CLASP1: variants seen among roughly 807,000 people sequenced by gnomAD.
The protein encoded by CLASP1 is cytoplasmic linker associated protein 1, also known as CLIP-associating protein 1.
CLASP1 carries 38 observed loss-of-function variants against 192.3 expected under a neutral mutation model. That is an observed-to-expected ratio of 0.20 (90% CI 0.15 to 0.26). CLASP1 has a LOEUF of 0.26. CLASP1 is among the 10% of genes least tolerant of loss of function. The pLI, the probability that CLASP1 is intolerant of heterozygous loss-of-function variation, is 1.00. For synonymous variants in CLASP1, 691 were observed against 712.8 expected, an observed-to-expected ratio of 0.97 and a Z score of 0.49; for missense variants, 1,433 against 1,932.5, an observed-to-expected ratio of 0.74 and a Z score of 4.85.
intron 1 of CLASP1, among the ~76,000 whole-genome samples, chr2:121,638,418 T>C (rs762725659): frequency 6.6e-6 from 1 of 152,108 alleles, no homozygotes; most frequent in Admixed American, 6.6e-5. Context: ...AGTTCAGCAA[T>C]TGTTCCAGAA....
intron 37 of CLASP1, among the ~76,000 whole-genome samples, chr2:121,354,765 C>T (rs1410216751): frequency 6.6e-6 from 1 of 152,152 alleles, no homozygotes; most frequent in Non-Finnish European, 1.5e-5. Flanking sequence ...TATCTGAGGT[C>T]CCCTGGGAGG....
At chr2:121,469,731 A>T in intron 9 of CLASP1, 77 bp downstream of exon 9, 1 of 1,443,722 alleles carries the variant, frequency 6.9e-7, no homozygotes, top group Non-Finnish European at 9.2e-7. Context: ...GAGGGCCACC[A>T]CAGGCAAGTA....
chr2:121,531,076 G>C (rs868048818), intron 2 of CLASP1: 3 of 686,530 alleles, frequency 4.4e-6, no homozygotes, highest in East Asian at 2.7e-5. Flanking sequence ...AGTACTTTGT[G>C]GTTAAACCAG....
At chr2:121,482,587 T>G (rs1433863531) in intron 8 of CLASP1, among the ~76,000 whole-genome samples, 1 of 152,176 alleles carries the variant, frequency 6.6e-6, no homozygotes, top group Non-Finnish European at 1.5e-5. Flanking sequence ...AGACTGGTAC[T>G]TTAATATCCA....
rs1030960611 is a variant in CLASP1 at position 121,549,802 on chromosome 2, G to A, written c.196-19477C>T. Among the ~76,000 whole-genome samples, 6 of 150,996 alleles carry A rather than the reference G, an allele frequency of 4.0e-5. No individual in the cohort carries two copies. The South Asian group carries it at 8.4e-4, about 21-fold the overall frequency. ...GGGCAGATCATGAGGTCAGGAGATC[G>A]AGACCATCCTGGCTAACATGGTGAA... is the stretch of plus-strand genomic sequence containing the variant. On this transcript the variant is annotated intron_variant, in intron 2 of 39. Transcript: ENST00000263710.
intron 19 of CLASP1, chr2:121,444,870 C>A: frequency 6.6e-6 from 7 of 1,063,744 alleles, no homozygotes; most frequent in Non-Finnish European, 9.2e-6. Context: ...GGGTACTGGG[C>A]AACACTCGGT....
At chr2:121,531,381 G>T (rs756326899) in intron 2 of CLASP1, among the ~76,000 whole-genome samples, 1 of 148,588 alleles carries the variant, frequency 6.7e-6, no homozygotes, top group Non-Finnish European at 1.5e-5. Context: ...GGATCACGAG[G>T]TCAGGAGATC....
At chr2:121,483,524 G>A (rs574739297) in intron 8 of CLASP1, among the ~76,000 whole-genome samples, 156 of 151,440 alleles carry the variant, frequency 1.0e-3, no homozygotes, top group Non-Finnish European at 1.7e-3. Context: ...ATATATGTGT[G>A]TGTATATATA....
At chr2:121,348,102 T>C (rs941306863) in intron 38 of CLASP1, among the ~76,000 whole-genome samples, 2 of 151,964 alleles carry the variant, frequency 1.3e-5, no homozygotes, top group African/African-American at 4.8e-5. Flanking sequence ...TCACTTACTG[T>C]CTCATGCTTA....
intron 8 of CLASP1, among the ~76,000 whole-genome samples, chr2:121,499,176 C>T (rs1051293985): frequency 3.9e-5 from 6 of 152,156 alleles, no homozygotes; most frequent in Non-Finnish European, 2.9e-5. Flanking sequence ...CAACCCCAAA[C>T]GTCCATCAAC....
chr2:121,605,726 G>A (rs373752835), exon 2 of CLASP1: 17 of 1,613,888 alleles, frequency 1.1e-5, no homozygotes, highest in Non-Finnish European at 1.2e-5. Context: ...GTTCACCCAA[G>A]AGGTAGCAAG....
intron 23 of CLASP1, among the ~76,000 whole-genome samples, chr2:121,414,810 G>C (rs1019389628): frequency 6.6e-6 from 1 of 152,110 alleles, no homozygotes; most frequent in Non-Finnish European, 1.5e-5. Context: ...TTGAGACAAG[G>C]TCTCACTCTG....
At chr2:121,520,817 C>T (rs867916661) in intron 6 of CLASP1, among the ~76,000 whole-genome samples, 4 of 152,234 alleles carry the variant, frequency 2.6e-5, no homozygotes, top group African/African-American at 7.2e-5. Context: ...TCCTCATCAA[C>T]AAGCACAGAC....
intron 9 of CLASP1, among the ~76,000 whole-genome samples, chr2:121,463,945 T>C (rs191934356): frequency 0.039 from 5,837 of 151,228 alleles, 153 homozygotes; most frequent in East Asian, 0.13. Context: ...GCTGCACCCA[T>C]TAACTCGTCA....
chr2:121,628,304 C>T (rs2068765801), intron 1 of CLASP1, among the ~76,000 whole-genome samples: 1 of 152,104 alleles, frequency 6.6e-6, no homozygotes, highest in Admixed American at 6.6e-5. Flanking sequence ...TCCTATTCAA[C>T]ATTAACATGG....
chr2:121,647,094 G>A (rs978321632), intron 1 of CLASP1, among the ~76,000 whole-genome samples: 3 of 150,702 alleles, frequency 2.0e-5, no homozygotes, highest in Admixed American at 6.6e-5. Context: ...TGGGCCGAGC[G>A]CGATTGCTCA....
intron 8 of CLASP1, among the ~76,000 whole-genome samples, chr2:121,483,690 C>A (rs7355460): frequency 6.6e-6 from 1 of 151,704 alleles, no homozygotes. Flanking sequence ...AATTCCAGTC[C>A]TACAATTTGA....
chr2:121,497,123 C>T (rs181610548), intron 8 of CLASP1, among the ~76,000 whole-genome samples: 1 of 152,156 alleles, frequency 6.6e-6, no homozygotes, highest in Non-Finnish European at 1.5e-5. Flanking sequence ...GTATTTATTA[C>T]CACTGAACTG....
intron 11 of CLASP1, 52 bp downstream of exon 11, chr2:121,461,049 G>A: frequency 1.9e-6 from 2 of 1,055,718 alleles, no homozygotes; most frequent in Non-Finnish European, 2.8e-6. Context: ...AAGTATTTGA[G>A]ATATTTAAAT....
Sources: allele counts gnomAD v4.1 joint callset (sites outside exome capture counted in the v4.1 genomes callset), GRCh38; gene constraint gnomAD v4.1.1; transcripts MANE v1.5; gene names NCBI Gene and HGNC (gene_info 2026-07-23, HGNC 2026-07-21).